FAF1: variants seen among roughly 807,000 people sequenced by gnomAD.
FAF1 encodes FAS-associated factor 1.
A neutral mutation model predicts 92.5 loss-of-function variants in FAF1; 25 were observed. The observed-to-expected ratio is 0.27, with a 90% CI of 0.20 to 0.38. The LOEUF (loss-of-function observed/expected upper bound fraction) is 0.38. FAF1 is among the 10% of genes least tolerant of loss of function. The pLI, the probability that FAF1 is intolerant of heterozygous loss-of-function variation, is 1.00. For synonymous variants in FAF1, 234 were observed against 273.2 expected (o/e 0.86, Z 1.42); for missense variants, 636 against 793.3 (o/e 0.80, Z 2.38).
intron 13 of FAF1, among the ~76,000 whole-genome samples, chr1:50,549,736 C>G (rs1203615142): frequency 2.6e-5 from 4 of 151,976 alleles, no homozygotes; most frequent in Non-Finnish European, 5.9e-5. Context: ...GATCCCACCA[C>G]TGCACTTCAG....
At chr1:50,585,440 T>C (rs1036509346) in intron 9 of FAF1, among the ~76,000 whole-genome samples, 34 of 152,332 alleles carry the variant, frequency 2.2e-4, no homozygotes, top group African/African-American at 7.7e-4. Flanking sequence ...TGAGCACTGA[T>C]GAATATGCTC....
chr1:50,772,486 C>T (rs897736206), intron 4 of FAF1, among the ~76,000 whole-genome samples: 1 of 152,010 alleles, frequency 6.6e-6, no homozygotes, highest in Admixed American at 6.6e-5. Context: ...AAGAAAATAT[C>T]GTACATTTAC....
intron 8 of FAF1, among the ~76,000 whole-genome samples, chr1:50,624,170 T>A (rs1653355131): frequency 6.6e-6 from 1 of 152,056 alleles, no homozygotes; most frequent in African/African-American, 2.4e-5. Context: ...TTTTTTCAGA[T>A]GCAGTCTATC....
intron 14 of FAF1, among the ~76,000 whole-genome samples, chr1:50,536,267 A>G (rs1401464392): frequency 6.6e-6 from 1 of 152,168 alleles, no homozygotes; most frequent in East Asian, 1.9e-4. Context: ...CATATGTGCC[A>G]TTTCCTGAAC....
intron 9 of FAF1, among the ~76,000 whole-genome samples, chr1:50,588,898 C>A (rs72690471): frequency 0.066 from 10,110 of 152,260 alleles, 439 homozygotes; most frequent in Non-Finnish European, 0.1. Context: ...GGGGTAAGTG[C>A]TGGAGACAGA....
chr1:50,557,347 GAAT>G (rs1572832069), intron 13 of FAF1, among the ~76,000 whole-genome samples: 1 of 152,122 alleles, frequency 6.6e-6, no homozygotes, highest in East Asian at 1.9e-4. Flanking sequence ...ACTCTGTTTT[GAAT>G]AATACAAAAC....
At chr1:50,607,573 C>T (rs1014452910) in intron 8 of FAF1, among the ~76,000 whole-genome samples, 3 of 152,138 alleles carry the variant, frequency 2.0e-5, no homozygotes, top group African/African-American at 7.2e-5. Context: ...ATTACTCTTG[C>T]CTGGGTTTCC....
Position 50,802,704 on chromosome 1 carries a change from AAAC to A in FAF1, c.115-1030_115-1028del, listed in dbSNP as rs1557534968. Reference sequence around the variant, plus strand: ...TCAGGAAAACAAAACAAAAACAAACAAACAACAACATAAGCCCAACTTTTCCAA... The same window carrying A: ...TCAGGAAAACAAAACAAAAACAAACAAACAACATAAGCCCAACTTTTCCAA... On this transcript the variant is annotated intron_variant, in intron 2 of 18. Transcript: ENST00000396153. 2.6e-5 allele frequency among the ~76,000 whole-genome samples: 4 copies of A among 152,338 alleles called. No homozygotes were observed. In the South Asian group the frequency reaches 8.3e-4, roughly 32 times the overall value.
intron 15 of FAF1, among the ~76,000 whole-genome samples, chr1:50,512,017 G>A (rs905021984): frequency 1.2e-4 from 18 of 152,250 alleles, no homozygotes; most frequent in African/African-American, 4.1e-4. Context: ...TTTTTTTCAT[G>A]TTTGTTGGCC....
chr1:50,876,779 T>C (rs990151911), intron 1 of FAF1, among the ~76,000 whole-genome samples: 1 of 152,132 alleles, frequency 6.6e-6, no homozygotes, highest in African/African-American at 2.4e-5. Context: ...AGATGGGGTT[T>C]TGCCATGTTG....
At chr1:50,675,367 A>T (rs1656074726) in intron 7 of FAF1, among the ~76,000 whole-genome samples, 1 of 152,220 alleles carries the variant, frequency 6.6e-6, no homozygotes, top group South Asian at 2.1e-4. Context: ...AGTAAGTAAC[A>T]CAAATGAATG....
intron 13 of FAF1, among the ~76,000 whole-genome samples, chr1:50,555,156 G>A (rs908862214): frequency 6.6e-6 from 1 of 151,784 alleles, no homozygotes; most frequent in East Asian, 1.9e-4. Flanking sequence ...CCAGGTGGTC[G>A]AGGCTGCAGT....
At chr1:50,575,212 G>T (rs1650669984) in intron 12 of FAF1, among the ~76,000 whole-genome samples, 1 of 152,010 alleles carries the variant, frequency 6.6e-6, no homozygotes, top group Admixed American at 6.6e-5. Flanking sequence ...CCAGCCAAAT[G>T]GCAGTGTATG....
At chr1:50,692,133 T>G (rs115675951) in intron 7 of FAF1, among the ~76,000 whole-genome samples, 1,975 of 152,158 alleles carry the variant, frequency 0.013, 42 homozygotes, top group African/African-American at 0.043. Flanking sequence ...GGAGGATCAA[T>G]GGAACCCGGG....
chr1:50,626,312 CA>C (rs1346844971), intron 8 of FAF1, among the ~76,000 whole-genome samples: 1 of 151,916 alleles, frequency 6.6e-6, no homozygotes, highest in Admixed American at 6.6e-5. Flanking sequence ...CAATAATGAA[CA>C]AAAACAGACA....
chr1:50,754,054 C>G (rs1016303678), intron 4 of FAF1, among the ~76,000 whole-genome samples: 3 of 152,094 alleles, frequency 2.0e-5, no homozygotes, highest in Non-Finnish European at 4.4e-5. Flanking sequence ...CTGTGCCCAG[C>G]CTATCTGCTC....
intron 15 of FAF1, among the ~76,000 whole-genome samples, chr1:50,499,028 G>A (rs932328837): frequency 6.6e-6 from 1 of 152,084 alleles, no homozygotes; most frequent in African/African-American, 2.4e-5. Flanking sequence ...ACCTACAGTG[G>A]AATATTATTT....
intron 18 of FAF1, among the ~76,000 whole-genome samples, chr1:50,463,147 C>T (rs1163911533): frequency 6.6e-6 from 1 of 152,118 alleles, no homozygotes; most frequent in Admixed American, 6.6e-5. Flanking sequence ...GCAGAGTATA[C>T]CTATGTGTTC....
At position 50,440,285 on chromosome 1, in the gene FAF1, CCA is replaced by C. The variant is rs997767674; in HGVS notation, c.*1153_*1154del. ...CCCAAATCTGTAGATTAAGAAAAAT[CCA>C]CACTTACTAAATCAAATCAAAAATT... is the stretch of plus-strand genomic sequence containing the variant. On this transcript the variant is annotated 3_prime_UTR_variant, in exon 19 of 19. Coordinates refer to ENST00000396153, the MANE Select transcript of FAF1 (RefSeq NM_007051.3). 5.9e-5 allele frequency: 9 copies of C among 152,170 alleles called. No individual in the cohort carries two copies. Among genetic ancestry groups the C allele is most frequent in the African/African-American group, 2.2e-4 (9 of 41,436 alleles). The allele number at this position is 152,170 out of a possible 1,614,324, so 9.4% of individuals were successfully genotyped here. A position where few individuals can be genotyped will look rare whatever the true frequency, so the allele number is the denominator to read the frequency against.
Sources: gnomAD v4.1 joint callset for allele counts (sites outside exome capture counted in the v4.1 genomes callset) on GRCh38, gnomAD v4.1.1 for gene constraint, MANE v1.5 for transcripts, NCBI Gene and HGNC (gene_info 2026-07-23, HGNC 2026-07-21) for gene names.